The following EYS variants were observed in gnomAD, a reference collection of about 807,000 sequenced individuals.
EYS encodes the protein protein eyes shut homolog.
EYS carries 250 observed loss-of-function variants against 282.1 expected under a neutral mutation model. The ratio of observed to expected loss-of-function variants is 0.89; its 90% CI spans 0.80 to 0.98. The LOEUF is 0.98. Among genes scored for constraint, EYS ranks in the 50% least tolerant of loss-of-function variants. The pLI, the probability that EYS is intolerant of heterozygous loss-of-function variation, is 0.00. For synonymous variants in EYS, 1,355 were observed against 1,282.9 expected (o/e 1.06, Z -1.20); for missense variants, 4,016 against 3,709.0 (o/e 1.08, Z -2.15).
chr6:64,368,136 G>A (rs529016442), intron 29 of EYS, among the ~76,000 whole-genome samples: 14 of 152,076 alleles, frequency 9.2e-5, no homozygotes, highest in South Asian at 2.1e-4. Flanking sequence ...TGTTGTTCTC[G>A]TCTGCGTCCA....
intron 2 of EYS, among the ~76,000 whole-genome samples, chr6:65,553,789 A>T (rs1254297365): frequency 2.0e-5 from 3 of 152,136 alleles, no homozygotes; most frequent in Non-Finnish European, 4.4e-5. Flanking sequence ...GCAATTGATA[A>T]TGTCCAAATC....
At chr6:65,061,868 A>T (rs1190215746) in intron 12 of EYS, among the ~76,000 whole-genome samples, 1 of 151,922 alleles carries the variant, frequency 6.6e-6, no homozygotes, top group Non-Finnish European at 1.5e-5. Flanking sequence ...GTTCTGTTTC[A>T]TGCATAGTAT....
intron 26 of EYS, among the ~76,000 whole-genome samples, chr6:64,538,260 A>C (rs1194877762): frequency 2.0e-5 from 3 of 152,170 alleles, no homozygotes; most frequent in African/African-American, 4.8e-5. Flanking sequence ...CCAGGAATAA[A>C]TGATTTAGAC....
At chr6:65,173,507 T>TA (rs1340622831) in intron 12 of EYS, among the ~76,000 whole-genome samples, 1 of 151,284 alleles carries the variant, frequency 6.6e-6, no homozygotes, top group Non-Finnish European at 1.5e-5. Context: ...TTACATTTAT[T>TA]AAAAAATGTA....
rs890874874 is a variant in EYS, at chr6:65,097,575, A to T, written c.2024-39848T>A. On this transcript the variant is annotated intron_variant, in intron 12 of 42. Coordinates refer to ENST00000503581, the MANE Select transcript of EYS (RefSeq NM_001142800.2). ...TGTTCATTTCAGTATTATTTACAAT[A>T]AGCAAGATAGGGAAACCACCTAAAT... 9.7e-4 allele frequency among the ~76,000 whole-genome samples: 147 copies of T among 150,910 alleles called. 1 individual carries two copies. The highest frequency in any genetic ancestry group is 9.7e-3 in the Admixed American group (147 of 15,096).
chr6:64,028,246 C>A (rs900583914), intron 33 of EYS, among the ~76,000 whole-genome samples: 1 of 152,190 alleles, frequency 6.6e-6, no homozygotes, highest in Non-Finnish European at 1.5e-5. Flanking sequence ...AATGCCTGCC[C>A]AGTCCAAATC....
chr6:64,463,462 GC>G (rs995568894), intron 26 of EYS, among the ~76,000 whole-genome samples: 12 of 152,294 alleles, frequency 7.9e-5, no homozygotes, highest in African/African-American at 2.9e-4. Context: ...AGCCTTTGCT[GC>G]CTTCAGGCTG....
At chr6:65,209,814 T>C (rs1168066365) in intron 12 of EYS, among the ~76,000 whole-genome samples, 2 of 151,880 alleles carry the variant, frequency 1.3e-5, no homozygotes, top group East Asian at 1.9e-4. Flanking sequence ...CTAAGTAATG[T>C]TGAAGGAAGT....
Position 65,405,232 on chromosome 6 carries a change from A to C in EYS, c.998T>G (p.Val333Gly). The C allele has an allele frequency of 1.2e-6, 2 of 1,613,342 alleles. No individual in the cohort carries two copies. The highest frequency in any genetic ancestry group is 1.1e-5 in the South Asian group (1 of 91,068). ...ACATGGTACTAATGAAAACTCACTG[A>C]CATCAGTTTCACCATTTTGGCTGGA... ...GSSSQNGETD[V>G]SEFSLVPCQN... The change falls in exon 6 of 43, where the codon GTC becomes GGC. Residue 333 changes from valine (V) to glycine (G), a missense_variant. Coordinates refer to ENST00000503581, the MANE Select transcript of EYS (RefSeq NM_001142800.2).
At chr6:63,975,386 T>C (rs1419722645) in intron 35 of EYS, among the ~76,000 whole-genome samples, 1 of 151,940 alleles carries the variant, frequency 6.6e-6, no homozygotes, top group Non-Finnish European at 1.5e-5. Flanking sequence ...AGGACACATA[T>C]CCTATTTTAA....
intron 12 of EYS, among the ~76,000 whole-genome samples, chr6:65,110,400 G>T (rs1023436581): frequency 1.3e-5 from 2 of 152,022 alleles, no homozygotes; most frequent in African/African-American, 4.8e-5. Context: ...TTTTAAAATG[G>T]TTATTACACA....
intron 22 of EYS, among the ~76,000 whole-genome samples, chr6:64,683,074 G>A (rs1242977037): frequency 5.3e-5 from 8 of 152,218 alleles, no homozygotes; most frequent in African/African-American, 1.9e-4. Context: ...GCCCAGCAGA[G>A]ACTTTAGCTG....
intron 30 of EYS, among the ~76,000 whole-genome samples, chr6:64,272,921 G>A (rs7756113): frequency 0.61 from 92,090 of 151,452 alleles, 28,576 homozygotes; most frequent in Non-Finnish European, 0.68. Flanking sequence ...ATGTAGAAAT[G>A]CAATTTGTTT....
chr6:63,964,247 A>G (rs1766204168), intron 35 of EYS, among the ~76,000 whole-genome samples: 2 of 152,248 alleles, frequency 1.3e-5, no homozygotes, highest in Non-Finnish European at 2.9e-5. Context: ...TGTATAAGTC[A>G]GCAGCTGAAG....
intron 2 of EYS, among the ~76,000 whole-genome samples, chr6:65,567,366 A>T (rs1044156458): frequency 6.6e-6 from 1 of 150,916 alleles, no homozygotes; most frequent in African/African-American, 2.4e-5. Context: ...ATGAAATGAA[A>T]AAGTATTTAT....
intron 22 of EYS, among the ~76,000 whole-genome samples, chr6:64,694,652 A>T (rs1053261376): frequency 6.6e-6 from 1 of 152,114 alleles, no homozygotes; most frequent in Non-Finnish European, 1.5e-5. Context: ...GACTAACTGG[A>T]TGGGAATTTG....
chr6:64,097,218 C>A (rs1267179077), intron 31 of EYS, among the ~76,000 whole-genome samples: 2 of 152,198 alleles, frequency 1.3e-5, no homozygotes, highest in Admixed American at 6.5e-5. Context: ...CTTGAGGAGG[C>A]AGTCTGTTCC....
At chr6:64,180,395 A>G (rs1466001232) in intron 31 of EYS, among the ~76,000 whole-genome samples, 1 of 152,144 alleles carries the variant, frequency 6.6e-6, no homozygotes, top group Non-Finnish European at 1.5e-5. Context: ...CCGACCAAAA[A>G]TAGGTCAATA....
intron 30 of EYS, among the ~76,000 whole-genome samples, chr6:64,271,073 A>G (rs1025080839): frequency 6.6e-6 from 1 of 152,246 alleles, no homozygotes; most frequent in Non-Finnish European, 1.5e-5. Context: ...TGAACAGAAA[A>G]TAGAGTTGTT....
Sources: allele counts gnomAD v4.1 joint callset (sites outside exome capture counted in the v4.1 genomes callset), GRCh38; gene constraint gnomAD v4.1.1; transcripts MANE v1.5; gene names NCBI Gene and HGNC (gene_info 2026-07-23, HGNC 2026-07-21).